The following MAP3K4 variants were observed in gnomAD, a reference collection of about 807,000 sequenced individuals.
The protein encoded by MAP3K4 is MAP three kinase 1.
MAP3K4 carries 67 observed loss-of-function variants against 185.6 expected under a neutral mutation model. The observed-to-expected ratio is 0.36, with a 90% CI of 0.30 to 0.44. The LOEUF (loss-of-function observed/expected upper bound fraction) is 0.44. Ranked by LOEUF, MAP3K4 falls within the 20% of genes least tolerant of loss-of-function variation. The pLI is 1.00. For synonymous variants in MAP3K4, 702 were observed against 710.4 expected, an observed-to-expected ratio of 0.99 and a Z score of 0.19; for missense variants, 1,551 against 1,995.1, an observed-to-expected ratio of 0.78 and a Z score of 4.24.
rs969754572 is a variant in MAP3K4, at chr6:161,088,430, C to G, written c.2823+476C>G. Among the ~76,000 whole-genome samples the G allele has an allele frequency of 5.3e-5, 8 of 152,158 alleles. No homozygotes were observed. The highest frequency in any genetic ancestry group is 1.9e-4 in the African/African-American group (8 of 41,428). ...AGAAGCTTTCTCATTTATCTGTGTT[C>G]AGCTTAGGAACAGTCATGGTGAGTG... On this transcript the variant is annotated intron_variant, in intron 10 of 26. Transcript: ENST00000392142. The surrounding 1 kb of genome is among the most constrained non-coding windows in gnomAD (Gnocchi z 4.5).
rs779889021 is a variant in MAP3K4 at position 161,091,364 on chromosome 6, G to A, written c.2974-15G>A. On this transcript the variant is annotated splice_polypyrimidine_tract_variant and intron_variant, in intron 11 of 26. Transcript: ENST00000392142. This position sits in a 1 kb window ranked among gnomAD's most constrained non-coding sequence, Gnocchi z 5.5. ...TTTGCTTCATTTTGCATTAATCATG[G>A]TTTGGACTCTTCAGAATGATGCATT... 9.3e-6 allele frequency: 15 copies of A among 1,608,166 alleles called. No homozygotes were observed. The highest frequency in any genetic ancestry group is 1.2e-5 in the Non-Finnish European group (14 of 1,177,198).
In MAP3K4 at chr6:161,049,317, G is replaced by T. The variant is rs1260746501; in HGVS notation, c.1045G>T (p.Val349Phe). ...THHEHLQRQR[V>F]SFEQVKRIME... ...TCATGAGCATCTCCAACGCCAGAGG[G>T]TCTCATTTGAGCAGGTAAAACGGAT... is the stretch of plus-strand genomic sequence containing the variant. The change falls in exon 3 of 27, where the codon GTC becomes TTC. Residue 349 changes from valine to phenylalanine, a missense_variant. Coordinates refer to ENST00000392142, the MANE Select transcript of MAP3K4 (RefSeq NM_005922.4). This position sits in a 1 kb window ranked among gnomAD's most constrained non-coding sequence, Gnocchi z 8.4. 31 of 1,614,002 alleles carry T rather than the reference G, an allele frequency of 1.9e-5. No individual in the cohort carries two copies. The East Asian group carries it at 6.7e-4, about 35-fold the overall frequency.
chr6:161,063,076 C>A lies in MAP3K4; in HGVS notation c.1708-7532C>A, dbSNP rs1784550857. On this transcript the variant is annotated intron_variant, in intron 3 of 26. Transcript: ENST00000392142. The surrounding 1 kb of genome is among the most constrained non-coding windows in gnomAD (Gnocchi z 5.4). ...TTATAAAGTTTTCTTTTGTTGACCT[C>A]ATTTCAGTGAAGGCATTATCTGTTC... Among the ~76,000 whole-genome samples, 1 of 151,900 alleles carries A rather than the reference C, an allele frequency of 6.6e-6. No homozygotes were observed. The highest frequency in any genetic ancestry group is 1.5e-5 in the Non-Finnish European group (1 of 67,982).
rs138973707 is a variant in MAP3K4, at chr6:161,080,054, G to A, written c.2098-827G>A. Among the ~76,000 whole-genome samples the A allele has an allele frequency of 2.0e-5, 3 of 152,274 alleles. No homozygotes were observed. Among genetic ancestry groups the A allele is most frequent in the South Asian group, 2.1e-4 (1 of 4,808 alleles). ...TGTGGGAGAGCAGTGGTGGGTGGGC[G>A]CTCAGGTTGGCGACAGACTGCTTCA... On this transcript the variant is annotated intron_variant, in intron 5 of 26. Transcript: ENST00000392142. The surrounding 1 kb of genome is among the most constrained non-coding windows in gnomAD (Gnocchi z 4.8).
chr6:161,019,947 A>G (rs1306228651), intron 1 of MAP3K4, among the ~76,000 whole-genome samples: 1 of 152,240 alleles, frequency 6.6e-6, no homozygotes, highest in East Asian at 1.9e-4. Context: ...AAAAGGTGGA[A>G]AATTATTTTA....
At position 161,049,307 on chromosome 6, in the gene MAP3K4, A is replaced by G. The variant is rs762598506; in HGVS notation, c.1035A>G (p.Gln345=). ...VGYSTHHEHL[Q]RQRVSFEQVK... is the part of the protein sequence containing the mutation. ...ACTCAACACATCATGAGCATCTCCAACGCCAGAGGGTCTCATTTGAGCAGG... is the reference window on the plus strand; with the variant it reads ...ACTCAACACATCATGAGCATCTCCAGCGCCAGAGGGTCTCATTTGAGCAGG... Residue 345 remains glutamine (Q), a synonymous_variant, in exon 3 of 27, where the codon CAA becomes CAG. Coordinates refer to ENST00000392142, the MANE Select transcript of MAP3K4 (RefSeq NM_005922.4). This position sits in a 1 kb window ranked among gnomAD's most constrained non-coding sequence, Gnocchi z 8.4. 8 of 1,614,152 alleles carry G rather than the reference A, an allele frequency of 5.0e-6. No homozygotes were observed. Among genetic ancestry groups the G allele is most frequent in the Non-Finnish European group, 1.7e-6 (2 of 1,180,014 alleles).
At position 161,053,949 on chromosome 6, in the gene MAP3K4, T is replaced by C. The variant is rs1348676376; in HGVS notation, c.1707+3970T>C. On this transcript the variant is annotated intron_variant, in intron 3 of 26. Coordinates refer to ENST00000392142, the MANE Select transcript of MAP3K4 (RefSeq NM_005922.4). This position sits in a 1 kb window ranked among gnomAD's most constrained non-coding sequence, Gnocchi z 4.2. The stretch of plus-strand genomic sequence containing the variant: ...TGAACTGACAAGGTACCACAGATTG[T>C]ACATAATGCATATTTTGCAGTTTTT... Among the ~76,000 whole-genome samples the C allele has an allele frequency of 2.6e-5, 4 of 152,168 alleles. No individual in the cohort carries two copies. Among genetic ancestry groups the C allele is most frequent in the African/African-American group, 9.7e-5 (4 of 41,444 alleles).
At position 161,043,245 on chromosome 6, in the gene MAP3K4, C is replaced by T. The variant is rs967730572; in HGVS notation, c.344-5371C>T. Reference sequence around the variant, plus strand: ...GTTTCCAGGCTTCCATATACAGGCTCAGTGTTCAGCCACACTCTTTTCTTT... The same window carrying T: ...GTTTCCAGGCTTCCATATACAGGCTTAGTGTTCAGCCACACTCTTTTCTTT... On this transcript the variant is annotated intron_variant, in intron 2 of 26. Transcript: ENST00000392142. The surrounding 1 kb of genome is among the most constrained non-coding windows in gnomAD (Gnocchi z 4.3). 3.3e-5 allele frequency among the ~76,000 whole-genome samples: 5 copies of T among 152,128 alleles called. No homozygotes were observed. Among genetic ancestry groups the T allele is most frequent in the Non-Finnish European group, 7.4e-5 (5 of 68,008 alleles).
chr6:161,104,998 A>G (rs1297592653), intron 19 of MAP3K4, among the ~76,000 whole-genome samples: 9 of 152,220 alleles, frequency 5.9e-5, no homozygotes, highest in African/African-American at 1.9e-4. Flanking sequence ...GCCAGAAAAC[A>G]TAGGCTCTTG....
chr6:161,059,142 A>ATTGATT (rs1554279507), intron 3 of MAP3K4, among the ~76,000 whole-genome samples: 2 of 149,930 alleles, frequency 1.3e-5, no homozygotes, highest in Non-Finnish European at 3.0e-5. Flanking sequence ...TGATTGATTG[A>ATTGATT]TTTTTTTTTT....
chr6:161,096,968 C>A lies in MAP3K4; in HGVS notation c.3428-112C>A. On this transcript the variant is annotated intron_variant, in intron 15 of 26. Transcript: ENST00000392142. This position sits in a 1 kb window ranked among gnomAD's most constrained non-coding sequence, Gnocchi z 4.9. The stretch of plus-strand genomic sequence containing the variant: ...TTTTTACTTATATAAATGGACTTAC[C>A]TTGGTCATTGGCCAGAATAAGTGAC... 1 of 744,830 alleles carries A rather than the reference C, an allele frequency of 1.3e-6. No homozygotes were observed. 46.1% of individuals were successfully genotyped at this position (744,830 alleles called of 1,614,324 possible). A position where few individuals can be genotyped will look rare whatever the true frequency, so the allele number is the denominator to read the frequency against.
At chr6:161,050,953 T>C (rs960802793) in intron 3 of MAP3K4, among the ~76,000 whole-genome samples, 4 of 152,228 alleles carry the variant, frequency 2.6e-5, no homozygotes, top group Non-Finnish European at 4.4e-5. Flanking sequence ...CCGAAAATGC[T>C]CAAGTCCCTC....
rs1026722668 is a variant in MAP3K4 at position 161,087,353 on chromosome 6, A to G, written c.2557-335A>G. ...TTTCCCAAGCCAGGTGACTTTTTGT[A>G]AGCATCACAAACTAGCAGTGGTTGA... On this transcript the variant is annotated intron_variant, in intron 9 of 26. Transcript: ENST00000392142. This position sits in a 1 kb window ranked among gnomAD's most constrained non-coding sequence, Gnocchi z 4.9. 1.3e-5 allele frequency among the ~76,000 whole-genome samples: 2 copies of G among 152,164 alleles called. No homozygotes were observed. The highest frequency in any genetic ancestry group is 4.8e-5 in the African/African-American group (2 of 41,432).
intron 2 of MAP3K4, among the ~76,000 whole-genome samples, chr6:161,047,117 CATAT>C (rs3050257): frequency 0.11 from 15,181 of 134,796 alleles, 1,145 homozygotes; most frequent in Admixed American, 0.25. Context: ...TTCACTTATG[CATAT>C]ATATATATAT....
chr6:161,023,688 T>C (rs1352354730), intron 1 of MAP3K4, among the ~76,000 whole-genome samples: 3 of 152,238 alleles, frequency 2.0e-5, no homozygotes. Flanking sequence ...AACAGGAAGG[T>C]CAAAAATTCT....
rs993756560 is a variant in MAP3K4, at chr6:161,063,531, C to G, written c.1708-7077C>G. Among the ~76,000 whole-genome samples the G allele has an allele frequency of 6.6e-6, 1 of 152,134 alleles. No homozygotes were observed. Among genetic ancestry groups the G allele is most frequent in the African/African-American group, 2.4e-5 (1 of 41,428 alleles). ...CTTCTCAAGTTTCAAACCATCTTCT[C>G]TGTTATTGTTTGAGGTCTGTGGACT... On this transcript the variant is annotated intron_variant, in intron 3 of 26. Transcript: ENST00000392142. The surrounding 1 kb of genome is among the most constrained non-coding windows in gnomAD (Gnocchi z 5.4).
rs1215703529 is a variant in MAP3K4, at chr6:161,073,326, C to G, written c.1951-140C>G. 2 of 696,904 alleles carry G rather than the reference C, an allele frequency of 2.9e-6. No homozygotes were observed. The highest frequency in any genetic ancestry group is 2.5e-4 in the Middle Eastern group (1 of 3,932). 43.2% of individuals were successfully genotyped at this position (696,904 alleles called of 1,614,324 possible). The stretch of plus-strand genomic sequence containing the variant: ...AGGTATTTACATAAAATGAACTGAT[C>G]AAGAATCTAGAAACTATTGTAGGTT... On this transcript the variant is annotated intron_variant, in intron 4 of 26. Coordinates refer to ENST00000392142, the MANE Select transcript of MAP3K4 (RefSeq NM_005922.4). This position sits in a 1 kb window ranked among gnomAD's most constrained non-coding sequence, Gnocchi z 4.2.
rs1157102930 is a variant in MAP3K4, at chr6:160,992,015, G to A, written c.84G>A (p.Pro28=). The change falls in exon 1 of 27, where the codon CCG becomes CCA. Residue 28 remains proline (P), a synonymous_variant. Coordinates refer to ENST00000392142, the MANE Select transcript of MAP3K4 (RefSeq NM_005922.4). The part of the protein sequence containing the change: ...PAAAMEEPPP[P]PPPPPPPPEP... ...CCGCCATGGAGGAGCCGCCGCCACC[G>A]CCGCCGCCGCCACCACCGCCACCGG... 3.3e-6 allele frequency: 5 copies of A among 1,531,424 alleles called. No individual in the cohort carries two copies. Among genetic ancestry groups the A allele is most frequent in the East Asian group, 2.5e-5 (1 of 39,634 alleles). The allele number at this position is 1,531,424 out of a possible 1,614,324, so 94.9% of individuals were successfully genotyped here. A position where few individuals can be genotyped will look rare whatever the true frequency, so the allele number is the denominator to read the frequency against.
In MAP3K4 at chr6:161,086,621, C is replaced by T. The variant is rs1212839832; in HGVS notation, c.2510C>T (p.Pro837Leu). 6.2e-7 allele frequency: 1 copy of T among 1,614,088 alleles called. No individual in the cohort carries two copies. Among genetic ancestry groups the T allele is most frequent in the East Asian group, 2.2e-5 (1 of 44,872 alleles). The change falls in exon 9 of 27, where the codon CCA becomes CTA. Residue 837 changes from proline (P) to leucine (L), a missense_variant. This residue lies in a region of MAP3K4 where 261 missense variants were observed against 306.5 expected (regional missense o/e 0.85). Coordinates refer to ENST00000392142, the MANE Select transcript of MAP3K4 (RefSeq NM_005922.4). The surrounding 1 kb of genome is among the most constrained non-coding windows in gnomAD (Gnocchi z 4.8). ...EIAAEFRLSA[P>L]VRDLLDVLKS... ...GCAGCAGAATTCAGGCTTTCAGCCC[C>T]AGTTAGAGACCTCCTGGATGTTCTG...
Sources: allele counts gnomAD v4.1 joint callset (sites outside exome capture counted in the v4.1 genomes callset), GRCh38; gene constraint gnomAD v4.1.1; regional missense constraint gnomAD v4.1.1; non-coding constraint Gnocchi (gnomAD v3.1); transcripts MANE v1.5; gene names NCBI Gene and HGNC (gene_info 2026-07-23, HGNC 2026-07-21).